Variants in ZNF436 observed in about 807,000 individuals in gnomAD.
ZNF436 encodes zinc finger protein 436, also known as DNA-binding protein.
In ZNF436, 22 loss-of-function variants were observed where a neutral mutation model predicts 41.9. The observed-to-expected ratio is 0.53, with a 90% CI of 0.38 to 0.75. The LOEUF (loss-of-function observed/expected upper bound fraction) is 0.75. Ranked by LOEUF, ZNF436 falls within the 30% of genes least tolerant of loss-of-function variation. ZNF436 has a pLI of 0.00. For synonymous variants in ZNF436, 217 were observed against 197.8 expected (o/e 1.10, Z -0.82); for missense variants, 506 against 587.3 (o/e 0.86, Z 1.43).
Position 23,360,239 on chromosome 1 carries a change from G to A in ZNF436, c.*1730C>T, listed in dbSNP as rs975130969. 5 of 152,138 alleles carry A rather than the reference G, an allele frequency of 3.3e-5. No homozygotes were observed. The highest frequency in any genetic ancestry group is 6.5e-5 in the Admixed American group (1 of 15,268). 9.4% of individuals were successfully genotyped at this position (152,138 alleles called of 1,614,324 possible). A position where few individuals can be genotyped will look rare whatever the true frequency, so the allele number is the denominator to read the frequency against. On this transcript the variant is annotated 3_prime_UTR_variant, in exon 4 of 4. Coordinates refer to ENST00000314011, the MANE Select transcript of ZNF436 (RefSeq NM_001077195.2). The stretch of plus-strand genomic sequence containing the variant: ...AAGTGATGTGGTCCCACACAGCTGT[G>A]GGTCACAATAACTCATTATAGTACC...
rs147951798 is a variant in ZNF436 at position 23,363,211 on chromosome 1, G to C, written c.171C>G (p.Ile57Met). 1.9e-5 allele frequency: 31 copies of C among 1,609,944 alleles called. 1 individual carries two copies. The Middle Eastern group carries it at 2.0e-3, about 103-fold the overall frequency. Residue 57 changes from isoleucine (I) to methionine (M), a missense_variant, in exon 4 of 4, where the codon ATC becomes ATG. Around this residue, in one of 2 missense-constraint regions of ZNF436, gnomAD observed 228 missense variants for 215.1 expected, o/e 1.06. Coordinates refer to ENST00000314011, the MANE Select transcript of ZNF436 (RefSeq NM_001077195.2). ...YGNVVSLDFEIRSENEVNPKQ... is the reference protein window; with the variant it reads ...YGNVVSLDFEMRSENEVNPKQ... ...TGGGATTTACCTCGTTCTCACTCCT[G>C]ATCTCAAAATCTGTAATAAAAAGTA...
At chr1:23,365,727 A>T (rs952572205) in intron 3 of ZNF436, among the ~76,000 whole-genome samples, 1 of 151,680 alleles carries the variant, frequency 6.6e-6, no homozygotes, top group Non-Finnish European at 1.5e-5. Flanking sequence ...AAAATTAATT[A>T]ATTAATTAAT....
In ZNF436 at chr1:23,368,036, G is replaced by A. The variant is rs1349993501; in HGVS notation, c.-31C>T. The A allele has an allele frequency of 2.5e-6, 4 of 1,613,806 alleles. No individual in the cohort carries two copies. Among genetic ancestry groups the A allele is most frequent in the South Asian group, 2.2e-5 (2 of 91,058 alleles). On this transcript the variant is annotated 5_prime_UTR_variant, in exon 2 of 4. Coordinates refer to ENST00000314011, the MANE Select transcript of ZNF436 (RefSeq NM_001077195.2). ...GCACAAGGGTTCGCCTCCAGGGAGA[G>A]AGAGCAGGAAAAGCAGCTAGCAGAC...
chr1:23,367,099 G>A lies in ZNF436; in HGVS notation c.103C>T (p.Gln35Ter), dbSNP rs372670704. Residue 35 changes from glutamine to a stop codon, truncating the protein, a stop_gained, in exon 3 of 4, where the codon CAG becomes TAG. Transcript: ENST00000314011. LOFTEE classifies it high-confidence loss of function. ...ATAACATCCCGGTAAAGGTCCCTCTGTGCAGCGTCCAGAGGTCTCCATTCT... is the reference window on the plus strand; with the variant it reads ...ATAACATCCCGGTAAAGGTCCCTCTATGCAGCGTCCAGAGGTCTCCATTCT... ...REEWRPLDAA[Q>*]RDLYRDVMQE... The A allele has an allele frequency of 6.2e-7, 1 of 1,613,936 alleles. No homozygotes were observed.
chr1:23,365,471 T>G (rs931250843), intron 3 of ZNF436, among the ~76,000 whole-genome samples: 1 of 152,006 alleles, frequency 6.6e-6, no homozygotes, highest in Non-Finnish European at 1.5e-5. Flanking sequence ...CCTAGCACTT[T>G]GGGAGGCCGA....
At chr1:23,366,380 G>C (rs1298223588) in intron 3 of ZNF436, among the ~76,000 whole-genome samples, 2 of 100,972 alleles carry the variant, frequency 2.0e-5, no homozygotes, top group African/African-American at 2.8e-5. Context: ...TGAGTCAAAA[G>C]ACCGTTCAGC....
intron 1 of ZNF436, 22 bp from the exon 2 acceptor site, chr1:23,368,087 G>T: frequency 1.3e-6 from 2 of 1,538,034 alleles, no homozygotes; most frequent in Non-Finnish European, 1.8e-6. Context: ...GAAAAGCAGG[G>T]CGTGAGGCAC....
At chr1:23,363,499 G>A (rs779945088) in intron 3 of ZNF436, among the ~76,000 whole-genome samples, 3 of 152,098 alleles carry the variant, frequency 2.0e-5, no homozygotes, top group Non-Finnish European at 4.4e-5. Context: ...ATATTGGTCA[G>A]GCTGGTATTG....
rs1263812525 is a variant in ZNF436, at chr1:23,361,020, G to A, written c.*949C>T. ...TGGCCCTTATCAAATCTTAGAGTTA[G>A]CAGGATAGGAAGAGTTGATCTTAAA... On this transcript the variant is annotated 3_prime_UTR_variant, in exon 4 of 4. Transcript: ENST00000314011. The A allele has an allele frequency of 1.3e-5, 2 of 152,406 alleles. No individual in the cohort carries two copies. Among genetic ancestry groups the A allele is most frequent in the Non-Finnish European group, 2.9e-5 (2 of 68,028 alleles). The allele number at this position is 152,406 out of a possible 1,614,324, so 9.4% of individuals were successfully genotyped here. A position where few individuals can be genotyped will look rare whatever the true frequency, so the allele number is the denominator to read the frequency against.
chr1:23,368,269 C>A (rs1638409963), intron 1 of ZNF436: 2 of 490,664 alleles, frequency 4.1e-6, no homozygotes, highest in South Asian at 5.1e-5. Flanking sequence ...TAGGACAGCC[C>A]CCTGGCTGGG....
chr1:23,368,522 T>TG (rs1476521472), intron 1 of ZNF436: 2 of 155,032 alleles, frequency 1.3e-5, no homozygotes, highest in East Asian at 1.9e-4. Context: ...TGCCGGGAGT[T>TG]GGAGTTCCAC....
chr1:23,368,169 A>G (rs1638405085), intron 1 of ZNF436, 104 bp from the exon 2 acceptor site: 1 of 725,406 alleles, frequency 1.4e-6, no homozygotes, highest in Non-Finnish European at 2.3e-6. Flanking sequence ...GCCCTGGACC[A>G]GGGCCGGGTC....
chr1:23,361,908 A>C lies in ZNF436; in HGVS notation c.*61T>G. 1.3e-6 allele frequency: 2 copies of C among 1,504,702 alleles called. No homozygotes were observed. The highest frequency in any genetic ancestry group is 1.8e-6 in the Non-Finnish European group (2 of 1,123,522). The allele number at this position is 1,504,702 out of a possible 1,614,324, so 93.2% of individuals were successfully genotyped here. On this transcript the variant is annotated 3_prime_UTR_variant, in exon 4 of 4. Transcript: ENST00000314011. ...AAGCAGCTCAGTCTTGAGGGCGTTC[A>C]TTGATATCAAATAAAATTGTATCTT...
At chr1:23,363,312 A>T in intron 3 of ZNF436, 91 bp from the exon 4 acceptor site, 1 of 1,021,726 alleles carries the variant, frequency 9.8e-7, no homozygotes, top group Non-Finnish European at 1.4e-6. Context: ...TTTTTTAGAC[A>T]GAGTCTCACT....
intron 3 of ZNF436, among the ~76,000 whole-genome samples, chr1:23,364,545 A>G (rs979898783): frequency 2.0e-5 from 3 of 152,144 alleles, no homozygotes; most frequent in African/African-American, 7.2e-5. Context: ...GCCAGAACCA[A>G]CTATGTTAAT....
Position 23,362,989 on chromosome 1 carries a change from G to A in ZNF436, c.393C>T (p.Val131=). ...PVTDLLVHKE[V]HTGIRYHICS... is the part of the protein sequence containing the mutation. ...ATATATGATAGCGGATGCCTGTGTGGACTTCTTTGTGGACAAGTAGATCAG... is the reference window on the plus strand; with the variant it reads ...ATATATGATAGCGGATGCCTGTGTGAACTTCTTTGTGGACAAGTAGATCAG... The change falls in exon 4 of 4, where the codon GTC becomes GTT. Residue 131 remains valine, a synonymous_variant. Transcript: ENST00000314011. 1 of 1,614,200 alleles carries A rather than the reference G, an allele frequency of 6.2e-7. No individual in the cohort carries two copies. The highest frequency in any genetic ancestry group is 1.1e-5 in the South Asian group (1 of 91,086).
In ZNF436 at chr1:23,362,973, A is replaced by G. The variant is rs1366647552; in HGVS notation, c.409T>C (p.Tyr137His). ...VHKEVHTGIR[Y>H]HICSHCGKAF... ...TTTCCACAATGAGAACATATATGAT[A>G]GCGGATGCCTGTGTGGACTTCTTTG... The change falls in exon 4 of 4, where the codon TAT becomes CAT. Residue 137 changes from tyrosine to histidine, a missense_variant. Physicochemically the swap from Tyr to His is moderately conservative, Grantham distance 83. Around this residue, in one of 2 missense-constraint regions of ZNF436, gnomAD observed 228 missense variants for 215.1 expected, o/e 1.06. Transcript: ENST00000314011. The G allele has an allele frequency of 6.2e-7, 1 of 1,614,170 alleles. No homozygotes were observed. Among genetic ancestry groups the G allele is most frequent in the Non-Finnish European group, 8.5e-7 (1 of 1,180,026 alleles).
At chr1:23,367,885 G>T in intron 2 of ZNF436, 88 bp downstream of exon 2, 1 of 1,476,402 alleles carries the variant, frequency 6.8e-7, no homozygotes, top group Non-Finnish European at 9.4e-7. Flanking sequence ...TAATCCCAGG[G>T]AATTTCCCAC....
At chr1:23,368,334 TCAGCC>T (rs1182673610) in intron 1 of ZNF436, 5 of 319,886 alleles carry the variant, frequency 1.6e-5, no homozygotes, top group Non-Finnish European at 1.2e-5. Flanking sequence ...GGTGCTCAGC[TCAGCC>T]CAGGGAACGC....
Sources: allele counts gnomAD v4.1 joint callset (sites outside exome capture counted in the v4.1 genomes callset), GRCh38; gene constraint gnomAD v4.1.1; regional missense constraint gnomAD v4.1.1; transcripts MANE v1.5; gene names NCBI Gene and HGNC (gene_info 2026-07-23, HGNC 2026-07-21).